SHISA6: variants seen among roughly 807,000 people sequenced by gnomAD.
SHISA6 encodes protein shisa-6.
A neutral mutation model predicts 47.9 loss-of-function variants in SHISA6; 22 were observed. That is an observed-to-expected ratio of 0.46 (90% CI 0.33 to 0.66). The LOEUF (loss-of-function observed/expected upper bound fraction) is 0.66. SHISA6 is among the 30% of genes least tolerant of loss of function. The probability of loss-of-function intolerance (pLI) is 0.02; values close to 1 mark genes in which losing one functional copy is unlikely to be tolerated. For missense variants in SHISA6, 680 were observed against 764.6 expected (o/e 0.89, Z 1.30); for synonymous variants, 388 against 337.8 (o/e 1.15, Z -1.63).
intron 2 of SHISA6, among the ~76,000 whole-genome samples, chr17:11,270,137 A>G (rs1445556893): frequency 1.3e-5 from 2 of 152,040 alleles, no homozygotes; most frequent in Non-Finnish European, 2.9e-5. Context: ...CACCACCCCC[A>G]GCTAATTTTT....
At chr17:11,343,300 C>T (rs978391169) in intron 2 of SHISA6, among the ~76,000 whole-genome samples, 31 of 152,108 alleles carry the variant, frequency 2.0e-4, no homozygotes, top group Admixed American at 1.6e-3. Flanking sequence ...CTGATGTCAT[C>T]GGTTTAATTC....
At chr17:11,254,037 G>A (rs1567550980) in intron 1 of SHISA6, among the ~76,000 whole-genome samples, 1 of 152,214 alleles carries the variant, frequency 6.6e-6, no homozygotes, top group South Asian at 2.1e-4. Context: ...ACTGTAGGAA[G>A]TGGTAGGAGG....
intron 1 of SHISA6, among the ~76,000 whole-genome samples, chr17:11,248,691 G>C (rs942012435): frequency 1.3e-5 from 2 of 152,014 alleles, no homozygotes; most frequent in Non-Finnish European, 2.9e-5. Flanking sequence ...GTTTTTTCAC[G>C]TTCCTTTCTT....
intron 3 of SHISA6, among the ~76,000 whole-genome samples, chr17:11,514,740 G>A (rs1488190805): frequency 6.6e-6 from 1 of 152,204 alleles, no homozygotes; most frequent in Non-Finnish European, 1.5e-5. Context: ...CAACACAGAG[G>A]TGCTCTAGGC....
chr17:11,258,137 A>G (rs1291688586), intron 1 of SHISA6, among the ~76,000 whole-genome samples: 1 of 152,192 alleles, frequency 6.6e-6, no homozygotes, highest in African/African-American at 2.4e-5. Context: ...TAGTTCATCT[A>G]TTTGGCCTTT....
In SHISA6 at chr17:11,451,680, T is replaced by A. The variant is rs537893021; in HGVS notation, c.895+72171T>A. On this transcript the variant is annotated intron_variant, in intron 3 of 5. Transcript: ENST00000441885. ...CACATTTCCCACATCCCAGGGTGGG[T>A]ATGCTCCGTGTTGGCTCAGGAGCTG... Among the ~76,000 whole-genome samples the A allele has an allele frequency of 3.3e-5, 5 of 152,180 alleles. No individual in the cohort carries two copies. In the South Asian group the frequency reaches 1.0e-3, roughly 32 times the overall value.
At chr17:11,264,591 C>T (rs548341870) in intron 2 of SHISA6, among the ~76,000 whole-genome samples, 127 of 152,268 alleles carry the variant, frequency 8.3e-4, no homozygotes, top group African/African-American at 2.9e-3. Context: ...AAAGCTTTTA[C>T]TTTGATGCTT....
At chr17:11,385,726 G>A (rs1597487246) in intron 3 of SHISA6, among the ~76,000 whole-genome samples, 1 of 152,264 alleles carries the variant, frequency 6.6e-6, no homozygotes, top group Middle Eastern at 3.4e-3. Context: ...GAGCCATAGG[G>A]CACCCCAACA....
intron 1 of SHISA6, among the ~76,000 whole-genome samples, chr17:11,262,078 AT>A: frequency 6.6e-6 from 1 of 152,304 alleles, no homozygotes; most frequent in East Asian, 1.9e-4. Context: ...TATATAATCC[AT>A]TTTGAGTTAG....
chr17:11,472,780 C>T (rs953624892), intron 3 of SHISA6, among the ~76,000 whole-genome samples: 2 of 152,200 alleles, frequency 1.3e-5, no homozygotes, highest in Non-Finnish European at 2.9e-5. Context: ...TACCATTTTG[C>T]ATTCCCACCA....
intron 3 of SHISA6, among the ~76,000 whole-genome samples, chr17:11,439,415 G>A (rs1002554858): frequency 1.3e-5 from 2 of 152,108 alleles, no homozygotes; most frequent in Non-Finnish European, 2.9e-5. Flanking sequence ...TAGTAACATT[G>A]GAAAGCCTTA....
chr17:11,520,992 T>C (rs1206818113), intron 3 of SHISA6, among the ~76,000 whole-genome samples: 1 of 152,230 alleles, frequency 6.6e-6, no homozygotes, highest in Non-Finnish European at 1.5e-5. Context: ...GAGAGAGTTT[T>C]CACCTGGGAC....
In SHISA6 at chr17:11,275,934, A is replaced by G. The variant is rs1567557784; in HGVS notation, c.799+12408A>G. Among the ~76,000 whole-genome samples the G allele has an allele frequency of 3.3e-5, 5 of 152,020 alleles. No homozygotes were observed. The South Asian group carries it at 1.0e-3, about 32-fold the overall frequency. On this transcript the variant is annotated intron_variant, in intron 2 of 5. Coordinates refer to ENST00000441885, the MANE Select transcript of SHISA6 (RefSeq NM_207386.4). The stretch of plus-strand genomic sequence containing the variant: ...AGATATGATCTGACATGTGGTTTTC[A>G]TAATCACTCTGGCCACCATCTTGAG...
intron 2 of SHISA6, among the ~76,000 whole-genome samples, chr17:11,270,301 ATTTCTGT>A (rs1351347963): frequency 6.6e-6 from 1 of 152,124 alleles, no homozygotes; most frequent in African/African-American, 2.4e-5. Flanking sequence ...TGATGATCTG[ATTTCTGT>A]TTTCTGATTG....
chr17:11,499,080 T>C (rs1021803056), intron 3 of SHISA6, among the ~76,000 whole-genome samples: 3 of 152,212 alleles, frequency 2.0e-5, no homozygotes, highest in African/African-American at 7.2e-5. Context: ...GCACGTGGAC[T>C]GGCTTCTAAG....
chr17:11,284,900 C>G (rs1386152356), intron 2 of SHISA6, among the ~76,000 whole-genome samples: 1 of 152,216 alleles, frequency 6.6e-6, no homozygotes, highest in Non-Finnish European at 1.5e-5. Context: ...CTGTCCACCT[C>G]TACTTCTTCT....
intron 1 of SHISA6, among the ~76,000 whole-genome samples, chr17:11,250,789 T>A (rs908891469): frequency 6.6e-6 from 1 of 151,850 alleles, no homozygotes; most frequent in African/African-American, 2.4e-5. Flanking sequence ...GAGCTCTGTG[T>A]CCCAGGAGCT....
rs1366515480 is a variant in SHISA6 at position 11,526,917 on chromosome 17, AT to A, written c.896-24978del. ...TATATATATATATATATATATATAT[AT>A]ATATATATATATATATATTATAATG... On this transcript the variant is annotated intron_variant, in intron 3 of 5. Transcript: ENST00000441885. Among the ~76,000 whole-genome samples the A allele has an allele frequency of 2.1e-4, 5 of 23,814 alleles. No individual in the cohort carries two copies. The South Asian group carries it at 5.1e-3, about 24-fold the overall frequency. The allele number at this position is 23,814 out of a possible 152,430, so 15.6% of individuals were successfully genotyped here. A position where few individuals can be genotyped will look rare whatever the true frequency, so the allele number is the denominator to read the frequency against.
chr17:11,465,400 TA>T (rs1204647031), intron 3 of SHISA6, among the ~76,000 whole-genome samples: 1 of 152,164 alleles, frequency 6.6e-6, no homozygotes. Flanking sequence ...GGACATGAAT[TA>T]GGCCACATGA....
Sources: allele counts gnomAD v4.1 joint callset (sites outside exome capture counted in the v4.1 genomes callset), GRCh38; gene constraint gnomAD v4.1.1; transcripts MANE v1.5; gene names NCBI Gene and HGNC (gene_info 2026-07-23, HGNC 2026-07-21).